POFUT3: variants seen among roughly 807,000 people sequenced by gnomAD.
The protein encoded by POFUT3 is GDP-fucose protein O-fucosyltransferase 3.
At chr8:33,406,790 C>G in the POFUT3 span, among the ~76,000 whole-genome samples, 1 of 152,040 alleles carries the variant, frequency 6.6e-6, no homozygotes, top group Non-Finnish European at 1.5e-5. Flanking sequence ...AGGGCAAACT[C>G]CTGGGTTCAA....
chr8:33,310,366 T>C, the POFUT3 span, among the ~76,000 whole-genome samples: 1 of 152,210 alleles, frequency 6.6e-6, no homozygotes, highest in African/African-American at 2.4e-5. Context: ...TCGTCTTGTT[T>C]CTCTGTCCAC....
At chr8:33,393,521 T>G in the POFUT3 span, among the ~76,000 whole-genome samples, 8 of 152,220 alleles carry the variant, frequency 5.3e-5, no homozygotes, top group African/African-American at 9.6e-5. Context: ...GAGAGTGACA[T>G]ACTTTATGGG....
the POFUT3 span, among the ~76,000 whole-genome samples, chr8:33,414,964 G>GAA: frequency 3.2e-4 from 31 of 96,844 alleles, no homozygotes; most frequent in African/African-American, 8.2e-4. Context: ...GAACCATAAA[G>GAA]AAAAAAAAAA....
chr8:33,403,882 A>C, the POFUT3 span, among the ~76,000 whole-genome samples: 1 of 152,116 alleles, frequency 6.6e-6, no homozygotes, highest in Non-Finnish European at 1.5e-5. Context: ...GAAAATCCCC[A>C]CGTACACTCC....
At chr8:33,383,302 G>A in the POFUT3 span, among the ~76,000 whole-genome samples, 2 of 152,292 alleles carry the variant, frequency 1.3e-5, no homozygotes, top group East Asian at 1.9e-4. Context: ...GGTTAAGATC[G>A]TTGGTACCAG....
At chr8:33,427,302 G>A in the POFUT3 span, among the ~76,000 whole-genome samples, 1 of 152,136 alleles carries the variant, frequency 6.6e-6, no homozygotes, top group South Asian at 2.1e-4. Flanking sequence ...AAAGGGCCAG[G>A]CGTGGTGGCT....
chr8:33,380,026 T>TAC, the POFUT3 span, among the ~76,000 whole-genome samples: 1 of 74,552 alleles, frequency 1.3e-5, no homozygotes, highest in African/African-American at 6.5e-5. Context: ...TATATATATA[T>TAC]ACTATATATA....
the POFUT3 span, chr8:33,461,614 C>G: frequency 6.5e-7 from 1 of 1,531,350 alleles, no homozygotes. Flanking sequence ...GACTGAGATC[C>G]GAGGTTGTGA....
the POFUT3 span, among the ~76,000 whole-genome samples, chr8:33,438,147 T>A: frequency 6.6e-6 from 1 of 152,258 alleles, no homozygotes; most frequent in Non-Finnish European, 1.5e-5. Context: ...GCATCACAGT[T>A]GTGTTAAATT....
At chr8:33,356,960 T>C in the POFUT3 span, among the ~76,000 whole-genome samples, 1 of 152,186 alleles carries the variant, frequency 6.6e-6, no homozygotes, top group Non-Finnish European at 1.5e-5. Flanking sequence ...TTTCTCAGGT[T>C]TGTCAAAGAT....
At chr8:33,334,972 T>C in the POFUT3 span, among the ~76,000 whole-genome samples, 248 of 152,294 alleles carry the variant, frequency 1.6e-3, 3 homozygotes, top group African/African-American at 5.4e-3. Flanking sequence ...AAGCAGGCTT[T>C]GAGAATAATT....
the POFUT3 span, among the ~76,000 whole-genome samples, chr8:33,443,271 T>C: frequency 6.6e-6 from 1 of 152,196 alleles, no homozygotes; most frequent in Non-Finnish European, 1.5e-5. Flanking sequence ...TCTTTGTTAG[T>C]TAAATTTTCA....
chr8:33,353,376 G>C, the POFUT3 span, among the ~76,000 whole-genome samples: 1 of 152,150 alleles, frequency 6.6e-6, no homozygotes, highest in Admixed American at 6.5e-5. Context: ...CGCATGTTTT[G>C]TCTGGAGATT....
chr8:33,453,139 T>C, the POFUT3 span: 2 of 1,454,094 alleles, frequency 1.4e-6, no homozygotes, highest in Non-Finnish European at 1.9e-6. Flanking sequence ...CCACCATCAC[T>C]TTTCAGAGGT....
At chr8:33,310,783 C>A in the POFUT3 span, among the ~76,000 whole-genome samples, 1 of 151,634 alleles carries the variant, frequency 6.6e-6, no homozygotes, top group East Asian at 2.1e-4. Flanking sequence ...GGCTTTCAGA[C>A]TCTGCAGAAC....
chr8:33,442,299 T>TG, the POFUT3 span, among the ~76,000 whole-genome samples: 5 of 133,414 alleles, frequency 3.7e-5, no homozygotes, highest in African/African-American at 1.1e-4. Context: ...TCTTTTTTTT[T>TG]TGGGGGGGGA....
At chr8:33,445,236 G>T in the POFUT3 span, among the ~76,000 whole-genome samples, 6 of 148,906 alleles carry the variant, frequency 4.0e-5, no homozygotes, top group Non-Finnish European at 8.8e-5. Context: ...GCCTAGCCAT[G>T]ACCTTCATTT....
chr8:33,408,198 T>C, the POFUT3 span, among the ~76,000 whole-genome samples: 4 of 151,634 alleles, frequency 2.6e-5, no homozygotes, highest in Admixed American at 2.0e-4. Context: ...TGGTGGTGCA[T>C]GCCTGTAGTC....
the POFUT3 span, among the ~76,000 whole-genome samples, chr8:33,407,956 C>T: frequency 2.8e-4 from 41 of 147,774 alleles, no homozygotes; most frequent in South Asian, 6.5e-4. Context: ...CCACTGCACT[C>T]CATCCTGGGC....
Sources: gnomAD v4.1 joint callset for allele counts (sites outside exome capture counted in the v4.1 genomes callset) on GRCh38, gnomAD v4.1.1 for gene constraint, MANE v1.5 for transcripts, NCBI Gene and HGNC (gene_info 2026-07-23, HGNC 2026-07-21) for gene names.